Variants in PARP14 observed in about 807,000 individuals in gnomAD.
PARP14 encodes poly(ADP-ribose) polymerase family member 14.
Under a neutral mutation model 154.2 loss-of-function variants are expected in PARP14, and 59 were observed. The observed-to-expected ratio is 0.38, with a 90% CI of 0.31 to 0.48. PARP14 has a LOEUF of 0.48. Ranked by LOEUF, PARP14 falls within the 20% of genes least tolerant of loss-of-function variation. The pLI is 0.98. For synonymous variants in PARP14, 720 were observed against 780.5 expected (o/e 0.92, Z 1.29); for missense variants, 1,734 against 2,131.6 (o/e 0.81, Z 3.67).
At chr3:122,707,456 C>G (rs973020414) in intron 8 of PARP14, among the ~76,000 whole-genome samples, 47 of 151,430 alleles carry the variant, frequency 3.1e-4, no homozygotes, top group Admixed American at 3.1e-3. Flanking sequence ...TAATATCCTT[C>G]GCTTTTATTT....
Position 122,700,539 on chromosome 3 carries a change from T to C in PARP14, c.1985T>C (p.Phe662Ser). The C allele has an allele frequency of 3.1e-6, 5 of 1,597,770 alleles. No individual in the cohort carries two copies. The African/African-American group carries it at 6.7e-5, about 21-fold the overall frequency. ...GTAAATGAAACCTATAAATTGCTTT[T>C]TAACTTCGTTGAACAAAACATGAAA... ...KEVNETYKLLFNFVEQNMKIE... is the reference protein window; with the variant it reads ...KEVNETYKLLSNFVEQNMKIE... The change falls in exon 6 of 17, where the codon TTT (phenylalanine) becomes TCT (serine). Residue 662 changes from phenylalanine to serine, a missense_variant. Phe to Ser is a radical substitution (Grantham distance 155). Coordinates refer to ENST00000474629, the MANE Select transcript of PARP14 (RefSeq NM_017554.3).
intron 1 of PARP14, 103 bp from the exon 2 acceptor site, chr3:122,685,082 A>G (rs1004040988): frequency 3.1e-6 from 4 of 1,286,878 alleles, no homozygotes; most frequent in Non-Finnish European, 4.4e-6. Context: ...GAAACCGACC[A>G]AGCCATTGAT....
chr3:122,724,359 C>T (rs1350541575), intron 15 of PARP14, among the ~76,000 whole-genome samples: 1 of 150,476 alleles, frequency 6.6e-6, no homozygotes, highest in African/African-American at 2.5e-5. Context: ...AGTGCATCAG[C>T]GTGATCATAG....
intron 12 of PARP14, among the ~76,000 whole-genome samples, chr3:122,715,559 G>A (rs1486595593): frequency 6.6e-6 from 1 of 151,978 alleles, no homozygotes; most frequent in East Asian, 1.9e-4. Flanking sequence ...ATTCCTAGCA[G>A]ATTAGCCAAC....
chr3:122,722,505 C>T (rs1230420701), intron 15 of PARP14: 1 of 152,084 alleles, frequency 6.6e-6, no homozygotes, highest in East Asian at 1.9e-4. Context: ...CAGACCCTGG[C>T]CAGAGAATTG....
intron 8 of PARP14, among the ~76,000 whole-genome samples, chr3:122,705,531 A>G (rs1247825246): frequency 1.3e-5 from 2 of 152,228 alleles, no homozygotes; most frequent in African/African-American, 4.8e-5. Context: ...TTCAGCTCAC[A>G]TCAGCTGTGG....
chr3:122,687,386 G>A (rs1404824073), intron 3 of PARP14, among the ~76,000 whole-genome samples: 1 of 152,218 alleles, frequency 6.6e-6, no homozygotes, highest in African/African-American at 2.4e-5. Flanking sequence ...CCAGAGAGCT[G>A]GGGATGAGCT....
At chr3:122,717,605 A>G (rs150451377) in intron 12 of PARP14, among the ~76,000 whole-genome samples, 12 of 152,370 alleles carry the variant, frequency 7.9e-5, no homozygotes, top group African/African-American at 2.6e-4. Flanking sequence ...ATCTGGGAGA[A>G]TAAGGATACA....
At chr3:122,723,643 C>G (rs1333789618) in intron 15 of PARP14, among the ~76,000 whole-genome samples, 1 of 152,204 alleles carries the variant, frequency 6.6e-6, no homozygotes, top group Non-Finnish European at 1.5e-5. Context: ...TACATCACAT[C>G]AGGAACCTCA....
At position 122,700,188 on chromosome 3, in the gene PARP14, T is replaced by G; in HGVS notation, c.1634T>G (p.Phe545Cys). ...CAGGTTTCTCCTGAGATTTTTCAGT[T>G]TTTGCAACAGGTAAACTGGAAAGAA... ...NIQVSPEIFQ[F>C]LQQVNWKEFS... Residue 545 changes from phenylalanine to cysteine, a missense_variant, in exon 6 of 17, where the codon TTT (phenylalanine) becomes TGT (cysteine). Phe to Cys is a radical substitution (Grantham distance 205). Coordinates refer to ENST00000474629, the MANE Select transcript of PARP14 (RefSeq NM_017554.3). 6.2e-7 allele frequency: 1 copy of G among 1,612,522 alleles called. No homozygotes were observed. Among genetic ancestry groups the G allele is most frequent in the Non-Finnish European group, 8.5e-7 (1 of 1,179,096 alleles).
rs952296435 is a variant in PARP14 at position 122,692,678 on chromosome 3, G to GT, written c.598+143dup. 58 of 684,470 alleles carry GT rather than the reference G, an allele frequency of 8.5e-5. 1 individual carries two copies. In the Middle Eastern group the frequency reaches 1.4e-3, roughly 16 times the overall value. The allele number at this position is 684,470 out of a possible 1,614,324, so 42.4% of individuals were successfully genotyped here. A position where few individuals can be genotyped will look rare whatever the true frequency, so the allele number is the denominator to read the frequency against. On this transcript the variant is annotated intron_variant, in intron 4 of 16. Transcript: ENST00000474629. ...TAAGAGAGGTTTCCAAGTTAATATA[G>GT]TTTTTTTTATTTTGAAAGTGAAGCA...
chr3:122,682,870 G>C (rs998601238), intron 1 of PARP14, among the ~76,000 whole-genome samples: 1 of 152,048 alleles, frequency 6.6e-6, no homozygotes, highest in Non-Finnish European at 1.5e-5. Context: ...TGAGCAACAT[G>C]GTGAAACCCT....
At chr3:122,728,094 G>A in intron 16 of PARP14, 108 bp downstream of exon 16, 3 of 1,053,922 alleles carry the variant, frequency 2.8e-6, no homozygotes, top group Non-Finnish European at 4.1e-6. Flanking sequence ...TGGTGGCCAT[G>A]TTGCAGCCCG....
At chr3:122,685,143 T>C (rs1272271574) in intron 1 of PARP14, 42 bp from the exon 2 acceptor site, 2 of 1,603,858 alleles carry the variant, frequency 1.2e-6, no homozygotes, top group South Asian at 1.1e-5. Flanking sequence ...TAAATAAAGA[T>C]TGCTTGTCAT....
At chr3:122,725,909 CT>C (rs142241268) in intron 15 of PARP14, among the ~76,000 whole-genome samples, 8,902 of 152,036 alleles carry the variant, frequency 0.059, 318 homozygotes, top group African/African-American at 0.097. Flanking sequence ...ATTTTCACCC[CT>C]ATTATGTTGT....
Position 122,685,273 on chromosome 3 carries a change from C to T in PARP14, c.276C>T (p.Thr92=). 1 of 1,613,724 alleles carries T rather than the reference C, an allele frequency of 6.2e-7. No individual in the cohort carries two copies. The highest frequency in any genetic ancestry group is 8.5e-7 in the Non-Finnish European group (1 of 1,179,732). Residue 92 remains threonine, a synonymous_variant, in exon 2 of 17, where the codon ACC becomes ACT. Coordinates refer to ENST00000474629, the MANE Select transcript of PARP14 (RefSeq NM_017554.3). Reference sequence around the variant, plus strand: ...AGTTAACTGTCCAGTTACCTGCAACCCCAGATGAAATCGATCATGTCTTTG... The same window carrying T: ...AGTTAACTGTCCAGTTACCTGCAACTCCAGATGAAATCGATCATGTCTTTG... ...TFKLTVQLPA[T]PDEIDHVFEE...
intron 2 of PARP14, among the ~76,000 whole-genome samples, chr3:122,685,795 A>G (rs1348510738): frequency 6.6e-6 from 1 of 151,918 alleles, no homozygotes; most frequent in Non-Finnish European, 1.5e-5. Context: ...GTCATGAGCC[A>G]CCGCACCCTG....
chr3:122,702,024 G>C (rs1938995465), intron 6 of PARP14, among the ~76,000 whole-genome samples: 1 of 152,154 alleles, frequency 6.6e-6, no homozygotes, highest in South Asian at 2.1e-4. Context: ...GGTATGCAGA[G>C]GACAGGAATC....
intron 4 of PARP14, among the ~76,000 whole-genome samples, chr3:122,693,495 C>T (rs1938603360): frequency 6.6e-6 from 1 of 152,098 alleles, no homozygotes; most frequent in South Asian, 2.1e-4. Context: ...TACAATAATA[C>T]CTACCTAATA....
Sources: gnomAD v4.1 joint callset for allele counts (sites outside exome capture counted in the v4.1 genomes callset) on GRCh38, gnomAD v4.1.1 for gene constraint, MANE v1.5 for transcripts, NCBI Gene and HGNC (gene_info 2026-07-23, HGNC 2026-07-21) for gene names.